Variants in RAVER2 observed in about 807,000 individuals in gnomAD.
RAVER2 encodes ribonucleoprotein, PTB binding 2.
A neutral mutation model predicts 78.1 loss-of-function variants in RAVER2; 46 were observed. The observed-to-expected ratio is 0.59, with a 90% CI of 0.46 to 0.75. The LOEUF is 0.75. Ranked by LOEUF, RAVER2 falls within the 30% of genes least tolerant of loss-of-function variation. The pLI, the probability that RAVER2 is intolerant of heterozygous loss-of-function variation, is 0.00. For missense variants in RAVER2, 793 were observed against 837.5 expected (o/e 0.95, Z 0.66); for synonymous variants, 311 against 313.3 (o/e 0.99, Z 0.08).
intron 2 of RAVER2, among the ~76,000 whole-genome samples, chr1:64,775,409 GA>G (rs1652433008): frequency 6.6e-6 from 1 of 152,178 alleles, no homozygotes; most frequent in African/African-American, 2.4e-5. Flanking sequence ...GCTCTGTGTT[GA>G]AAGGGATCTT....
intron 4 of RAVER2, among the ~76,000 whole-genome samples, chr1:64,789,036 A>C (rs1289255001): frequency 6.6e-6 from 1 of 152,118 alleles, no homozygotes; most frequent in African/African-American, 2.4e-5. Flanking sequence ...ACATTATAAG[A>C]AGGCTCTTCT....
chr1:64,823,035 G>T (rs1206030231), intron 11 of RAVER2, among the ~76,000 whole-genome samples: 1 of 152,196 alleles, frequency 6.6e-6, no homozygotes, highest in East Asian at 1.9e-4. Flanking sequence ...GGAAGGAGGA[G>T]TTGGGGAGTA....
At chr1:64,777,961 G>C (rs780221523) in exon 3 of RAVER2, 1 of 1,614,066 alleles carries the variant, frequency 6.2e-7, no homozygotes, top group South Asian at 1.1e-5. Context: ...ACAATGGATG[G>C]ATGTTAATCT....
At chr1:64,829,331 ATC>A (rs951387409) in intron 11 of RAVER2, among the ~76,000 whole-genome samples, 4 of 152,220 alleles carry the variant, frequency 2.6e-5, no homozygotes, top group African/African-American at 9.6e-5. Context: ...TCTTTGGAAA[ATC>A]TCACTTGTAG....
At chr1:64,825,783 A>G (rs1428640199) in intron 11 of RAVER2, among the ~76,000 whole-genome samples, 1 of 152,270 alleles carries the variant, frequency 6.6e-6, no homozygotes, top group Non-Finnish European at 1.5e-5. Context: ...TCAATGGGAT[A>G]AAAGAAAGTC....
chr1:64,771,283 A>G (rs1652310693), intron 2 of RAVER2, among the ~76,000 whole-genome samples: 1 of 152,094 alleles, frequency 6.6e-6, no homozygotes, highest in South Asian at 2.1e-4. Flanking sequence ...CAAAATAAAC[A>G]AAAACACAAC....
intron 5 of RAVER2, among the ~76,000 whole-genome samples, chr1:64,798,193 G>A (rs1407091248): frequency 8.4e-5 from 11 of 131,374 alleles, no homozygotes; most frequent in South Asian, 7.8e-4. Flanking sequence ...TTGTTCTTGC[G>A]ATAGTTTACT....
intron 5 of RAVER2, among the ~76,000 whole-genome samples, chr1:64,800,131 G>GT (rs200005863): frequency 0.17 from 23,288 of 137,540 alleles, 1,934 homozygotes; most frequent in East Asian, 0.25. Flanking sequence ...TTTGTTTTTT[G>GT]TTTTTTTTTT....
At chr1:64,746,151 T>A (rs1651531687) in intron 1 of RAVER2, among the ~76,000 whole-genome samples, 2 of 151,518 alleles carry the variant, frequency 1.3e-5, no homozygotes, top group African/African-American at 2.4e-5. Context: ...TCTATTTAAC[T>A]TTTTTTTTCC....
chr1:64,759,334 C>T (rs1651947543), intron 1 of RAVER2, among the ~76,000 whole-genome samples: 1 of 151,518 alleles, frequency 6.6e-6, no homozygotes, highest in Non-Finnish European at 1.5e-5. Context: ...ATTCTCCTGC[C>T]TCAGCCTCTG....
intron 8 of RAVER2, 92 bp downstream of exon 8, chr1:64,805,197 G>T: frequency 1.7e-6 from 2 of 1,177,078 alleles, no homozygotes; most frequent in Non-Finnish European, 2.4e-6. Flanking sequence ...TTTACAGGGA[G>T]GTCAAATTTG....
At chr1:64,807,890 T>A (rs1046538790) in intron 9 of RAVER2, among the ~76,000 whole-genome samples, 1 of 152,184 alleles carries the variant, frequency 6.6e-6, no homozygotes, top group African/African-American at 2.4e-5. Flanking sequence ...TAAACTAGTT[T>A]AAGTTCAGAA....
At chr1:64,803,199 G>A (rs1653316662) in intron 6 of RAVER2, 138 bp downstream of exon 6, 1 of 581,562 alleles carries the variant, frequency 1.7e-6, no homozygotes, top group Non-Finnish European at 2.9e-6. Flanking sequence ...GTATAGGTAT[G>A]TAAAATCATA....
At chr1:64,817,836 G>C (rs927567059) in intron 11 of RAVER2, among the ~76,000 whole-genome samples, 13 of 152,006 alleles carry the variant, frequency 8.6e-5, no homozygotes, top group African/African-American at 2.9e-4. Flanking sequence ...CACCAACATG[G>C]CACATGTATA....
At chr1:64,752,746 C>A (rs1651735662) in intron 1 of RAVER2, among the ~76,000 whole-genome samples, 1 of 152,150 alleles carries the variant, frequency 6.6e-6, no homozygotes. Context: ...CCCATCAATA[C>A]ATGATAGCCC....
intron 5 of RAVER2, 75 bp downstream of exon 5, chr1:64,789,589 GA>G (rs1310608668): frequency 5.9e-6 from 7 of 1,196,496 alleles, no homozygotes; most frequent in Non-Finnish European, 4.4e-6. Context: ...GTGAAATATG[GA>G]AAAATACATT....
At chr1:64,807,177 A>C (rs774986777) in intron 8 of RAVER2, 29 bp from the exon 9 acceptor site, 4 of 1,587,814 alleles carry the variant, frequency 2.5e-6, no homozygotes, top group Middle Eastern at 1.8e-4. Context: ...TTCTAACTAA[A>C]AGCTTTTTGC....
chr1:64,827,524 A>G (rs919196842), intron 11 of RAVER2, among the ~76,000 whole-genome samples: 1 of 152,228 alleles, frequency 6.6e-6, no homozygotes, highest in Admixed American at 6.5e-5. Flanking sequence ...CCTGCTAAAG[A>G]TGAAGTCCTC....
chr1:64,814,474 C>A lies in RAVER2; in HGVS notation c.1793-230C>A, dbSNP rs534297130. ...AGACAGGTGTCCATTTTAAGTTGTT[C>A]CAAATGAATAAGACAGTATTATATA... On this transcript the variant is annotated intron_variant, in intron 10 of 11. Transcript: ENST00000294428. Among the ~76,000 whole-genome samples the A allele has an allele frequency of 4.0e-5, 6 of 151,778 alleles. No individual in the cohort carries two copies. In the South Asian group the frequency reaches 1.2e-3, roughly 32 times the overall value.
Sources: allele counts gnomAD v4.1 joint callset (sites outside exome capture counted in the v4.1 genomes callset), GRCh38; gene constraint gnomAD v4.1.1; transcripts MANE v1.5; gene names NCBI Gene and HGNC (gene_info 2026-07-23, HGNC 2026-07-21).